SCN8A: variants seen among roughly 807,000 people sequenced by gnomAD.
SCN8A encodes sodium channel protein type 8 subunit alpha.
SCN8A carries 30 observed loss-of-function variants against 184.1 expected under a neutral mutation model. The observed-to-expected ratio is 0.16, with a 90% CI of 0.12 to 0.22. The LOEUF is 0.22. SCN8A is among the 10% of genes least tolerant of loss of function. The pLI is 1.00. For missense variants in SCN8A, 1,057 were observed against 2,498.9 expected (o/e 0.42, Z 12.30); for synonymous variants, 852 against 907.0 (o/e 0.94, Z 1.09).
At chr12:51,637,441 A>G (rs1292487982) in intron 1 of SCN8A, among the ~76,000 whole-genome samples, 2 of 152,266 alleles carry the variant, frequency 1.3e-5, no homozygotes, top group African/African-American at 4.8e-5. Context: ...GCAAAGGAGC[A>G]GTTCTTGAAG....
At chr12:51,630,446 C>T (rs1940174656) in intron 1 of SCN8A, among the ~76,000 whole-genome samples, 1 of 152,092 alleles carries the variant, frequency 6.6e-6, no homozygotes, top group South Asian at 2.1e-4. Flanking sequence ...TCATGATTTC[C>T]TTCCTTTTTG....
intron 11 of SCN8A, among the ~76,000 whole-genome samples, chr12:51,716,635 C>A (rs967351652): frequency 6.6e-6 from 1 of 151,994 alleles, no homozygotes; most frequent in Non-Finnish European, 1.5e-5. Flanking sequence ...ATTTTTATGA[C>A]GGTGTGATAG....
rs142676822 is a variant in SCN8A at position 51,642,958 on chromosome 12, T to C, written c.-54-19806T>C. 3.9e-5 allele frequency among the ~76,000 whole-genome samples: 6 copies of C among 152,254 alleles called. No homozygotes were observed. The East Asian group carries it at 9.7e-4, about 25-fold the overall frequency. On this transcript the variant is annotated intron_variant, in intron 1 of 26. Coordinates refer to ENST00000627620, the MANE Select transcript of SCN8A (RefSeq NM_001330260.2). ...AAGCACACAAGCCTGACATGGCCTT[T>C]GTGATGCCTGTATCCAGACCTCTTA... is the stretch of plus-strand genomic sequence containing the variant.
At chr12:51,706,763 T>A in intron 11 of SCN8A, 48 bp downstream of exon 11, 1 of 1,317,230 alleles carries the variant, frequency 7.6e-7, no homozygotes, top group Non-Finnish European at 1.0e-6. Context: ...TATTTTTTAT[T>A]AAGGTAAAAT....
intron 23 of SCN8A, 60 bp from the exon 24 acceptor site, chr12:51,789,221 T>C (rs1376416919): frequency 6.3e-7 from 1 of 1,590,668 alleles, no homozygotes; most frequent in African/African-American, 1.3e-5. Flanking sequence ...CTGATGGCCT[T>C]GGCGTGTCAA....
chr12:51,721,081 T>TTATATATATATA lies in SCN8A; in HGVS notation c.1636-450_1636-439dup, dbSNP rs58356368. 3.0e-3 allele frequency among the ~76,000 whole-genome samples: 263 copies of TTATATATATATA among 86,752 alleles called. 2 individuals are homozygous for TTATATATATATA. The highest frequency in any genetic ancestry group is 9.4e-3 in the African/African-American group (201 of 21,456). The allele number at this position is 86,752 out of a possible 152,430, so 56.9% of individuals were successfully genotyped here. Reference sequence around the variant, plus strand: ...AAACTCCATCTCAAAAAAAAAAAAATTATATATATATATATATATATATAT... The same window carrying TTATATATATATA: ...AAACTCCATCTCAAAAAAAAAAAAATTATATATATATATATATATATATATATATATATATAT... On this transcript the variant is annotated intron_variant, in intron 11 of 26. Coordinates refer to ENST00000627620, the MANE Select transcript of SCN8A (RefSeq NM_001330260.2).
intron 21 of SCN8A, among the ~76,000 whole-genome samples, chr12:51,782,328 C>T (rs558495787): frequency 1.3e-5 from 2 of 152,334 alleles, no homozygotes; most frequent in Non-Finnish European, 2.9e-5. Context: ...GTGGTTTAGA[C>T]AGCCACGGTG....
intron 5 of SCN8A, 75 bp from the exon 6 acceptor site, chr12:51,688,930 T>G: frequency 6.3e-7 from 1 of 1,580,594 alleles, no homozygotes; most frequent in Non-Finnish European, 8.7e-7. Context: ...TGTTGTGGTT[T>G]TGTTTTTTCC....
intron 1 of SCN8A, among the ~76,000 whole-genome samples, chr12:51,647,849 C>T (rs1940625150): frequency 6.6e-6 from 1 of 152,174 alleles, no homozygotes; most frequent in South Asian, 2.1e-4. Context: ...ATAAGAGCCA[C>T]CCACCTTCCT....
At chr12:51,688,747 T>C in intron 5 of SCN8A, 5 of 1,608,370 alleles carry the variant, frequency 3.1e-6, no homozygotes, top group Non-Finnish European at 4.3e-6. Flanking sequence ...AACTTTGGTT[T>C]GATTCTGCAG....
intron 11 of SCN8A, among the ~76,000 whole-genome samples, chr12:51,715,357 T>G (rs1219564387): frequency 1.3e-5 from 2 of 152,194 alleles, no homozygotes; most frequent in Admixed American, 1.3e-4. Context: ...TTAGATCTCA[T>G]GTAGTATATG....
chr12:51,680,073 T>C (rs772075428), intron 2 of SCN8A, among the ~76,000 whole-genome samples: 3 of 152,194 alleles, frequency 2.0e-5, no homozygotes, highest in African/African-American at 4.8e-5. Flanking sequence ...AATCTAATTA[T>C]TTCAATAATA....
At chr12:51,646,584 AAC>A (rs1940594127) in intron 1 of SCN8A, among the ~76,000 whole-genome samples, 1 of 152,238 alleles carries the variant, frequency 6.6e-6, no homozygotes, top group Non-Finnish European at 1.5e-5. Flanking sequence ...GAAGAAATGA[AAC>A]ACTTTTCAGT....
At chr12:51,700,134 C>CCA (rs1328084184) in intron 7 of SCN8A, among the ~76,000 whole-genome samples, 1 of 151,124 alleles carries the variant, frequency 6.6e-6, no homozygotes, top group Non-Finnish European at 1.5e-5. Context: ...CCATTGTACT[C>CCA]CAGCCTGGGT....
In SCN8A at chr12:51,812,862, C is replaced by T. The variant is rs1172217268; in HGVS notation, c.*5433C>T. ...GGTTACGTCAATCTTGTTTTCAACT[C>T]TCCTCTTGGACTGGCCTGTCATTCT... On this transcript the variant is annotated 3_prime_UTR_variant, in exon 27 of 27. Coordinates refer to ENST00000627620, the MANE Select transcript of SCN8A (RefSeq NM_001330260.2). 3 of 152,276 alleles carry T rather than the reference C, an allele frequency of 2.0e-5. No individual in the cohort carries two copies. Among genetic ancestry groups the T allele is most frequent in the African/African-American group, 7.2e-5 (3 of 41,466 alleles). The allele number at this position is 152,276 out of a possible 1,614,324, so 9.4% of individuals were successfully genotyped here. A position where few individuals can be genotyped will look rare whatever the true frequency, so the allele number is the denominator to read the frequency against.
At chr12:51,736,297 GACTCTTC>G (rs1942324982) in intron 12 of SCN8A, among the ~76,000 whole-genome samples, 1 of 152,200 alleles carries the variant, frequency 6.6e-6, no homozygotes, top group Non-Finnish European at 1.5e-5. Context: ...ACGGGCAGAA[GACTCTTC>G]TGATTGGCAT....
chr12:51,685,402 C>T (rs1218665010), intron 3 of SCN8A, among the ~76,000 whole-genome samples: 1 of 152,134 alleles, frequency 6.6e-6, no homozygotes, highest in African/African-American at 2.4e-5. Context: ...ATATGGCTCC[C>T]AGGCTCTAAT....
chr12:51,678,726 G>C (rs1305537355), intron 2 of SCN8A, among the ~76,000 whole-genome samples: 2 of 152,180 alleles, frequency 1.3e-5, no homozygotes, highest in Non-Finnish European at 2.9e-5. Context: ...CCTGGATTCT[G>C]CACACTTATT....
intron 11 of SCN8A, among the ~76,000 whole-genome samples, chr12:51,717,167 G>C (rs1941979911): frequency 6.6e-6 from 1 of 152,164 alleles, no homozygotes. Flanking sequence ...CTTGGGAACG[G>C]AAGTAACGAA....
Sources: allele counts gnomAD v4.1 joint callset (sites outside exome capture counted in the v4.1 genomes callset), GRCh38; gene constraint gnomAD v4.1.1; transcripts MANE v1.5; gene names NCBI Gene and HGNC (gene_info 2026-07-23, HGNC 2026-07-21).